Variants in TTLL5 observed in about 807,000 individuals in gnomAD.
TTLL5 encodes the protein tubulin tyrosine ligase like 5.
Under a neutral mutation model 168.4 loss-of-function variants are expected in TTLL5, and 132 were observed. The ratio of observed to expected loss-of-function variants is 0.78; its 90% confidence interval spans 0.68 to 0.91. TTLL5 has a LOEUF of 0.91. Among genes scored for constraint, TTLL5 ranks in the 40% least tolerant of loss-of-function variants. TTLL5 has a pLI of 0.00. For missense variants in TTLL5, 1,545 were observed against 1,581.5 expected (o/e 0.98, Z 0.39); for synonymous variants, 546 against 558.6 (o/e 0.98, Z 0.32).
chr14:75,663,269 C>G (rs1326873287), intron 2 of TTLL5, 46 bp downstream of exon 2: 1 of 1,521,618 alleles, frequency 6.6e-7, no homozygotes, highest in African/African-American at 1.4e-5. Flanking sequence ...TGTACTCTTT[C>G]ACTTATATAC....
At chr14:75,889,718 T>TA (rs1226682652) in intron 30 of TTLL5, among the ~76,000 whole-genome samples, 5 of 151,272 alleles carry the variant, frequency 3.3e-5, no homozygotes, top group African/African-American at 1.2e-4. Flanking sequence ...TGGTCCCAGC[T>TA]ACTCAGGAGG....
intron 31 of TTLL5, among the ~76,000 whole-genome samples, chr14:75,906,883 T>C (rs1364240208): frequency 6.6e-6 from 1 of 152,186 alleles, no homozygotes; most frequent in Non-Finnish European, 1.5e-5. Flanking sequence ...GGTCTACCAG[T>C]AGGTGGCGCT....
intron 28 of TTLL5, among the ~76,000 whole-genome samples, chr14:75,821,214 G>A (rs1345066147): frequency 2.0e-5 from 3 of 152,118 alleles, no homozygotes; most frequent in Admixed American, 1.3e-4. Flanking sequence ...ATCATCCTGC[G>A]GTACGGTGTC....
intron 31 of TTLL5, among the ~76,000 whole-genome samples, chr14:75,942,560 G>A (rs1262503161): frequency 2.6e-5 from 4 of 152,196 alleles, no homozygotes; most frequent in Non-Finnish European, 4.4e-5. Context: ...GATTTAGATC[G>A]TTTAGGAGGG....
intron 29 of TTLL5, among the ~76,000 whole-genome samples, chr14:75,872,009 C>G (rs1249635734): frequency 6.6e-6 from 1 of 152,184 alleles, no homozygotes; most frequent in Non-Finnish European, 1.5e-5. Flanking sequence ...GAACGGGGCC[C>G]TGATATACAA....
At position 75,683,640 on chromosome 14, in the gene TTLL5, G is replaced by A. The variant is rs1884797826; in HGVS notation, c.355G>A (p.Val119Ile). The A allele has an allele frequency of 1.2e-6, 2 of 1,613,772 alleles. No homozygotes were observed. Among genetic ancestry groups the A allele is most frequent in the Non-Finnish European group, 1.7e-6 (2 of 1,179,680 alleles). Reference sequence around the variant, plus strand: ...GCGCACCCTCTCTGAAGCACAAAAAGTTAATCACTTTCCCAGGTAATGCTC... The same window carrying A: ...GCGCACCCTCTCTGAAGCACAAAAAATTAATCACTTTCCCAGGTAATGCTC... ...LLRTLSEAQKVNHFPRSYELT... is the reference protein window; with the variant it reads ...LLRTLSEAQKINHFPRSYELT... Residue 119 changes from valine to isoleucine, a missense_variant, in exon 5 of 32, where the codon GTT becomes ATT. Val to Ile is a conservative substitution (Grantham distance 29). Coordinates refer to ENST00000298832, the MANE Select transcript of TTLL5 (RefSeq NM_015072.5).
At chr14:75,804,670 C>A (rs1224736894) in intron 27 of TTLL5, among the ~76,000 whole-genome samples, 4 of 152,146 alleles carry the variant, frequency 2.6e-5, no homozygotes, top group African/African-American at 9.7e-5. Context: ...ATACATTATT[C>A]TTTCCCATTT....
chr14:75,889,834 A>G (rs2032303181), intron 30 of TTLL5, among the ~76,000 whole-genome samples: 2 of 100,680 alleles, frequency 2.0e-5, no homozygotes, highest in South Asian at 8.8e-4. Context: ...TTAAAAAAAA[A>G]AAAAAAAAAA....
At chr14:75,826,242 A>G (rs1325244456) in intron 28 of TTLL5, among the ~76,000 whole-genome samples, 1 of 151,392 alleles carries the variant, frequency 6.6e-6, no homozygotes, top group African/African-American at 2.4e-5. Flanking sequence ...ACTCCACTCC[A>G]CACTGCTTTG....
At chr14:75,779,370 C>T (rs1891912425) in intron 23 of TTLL5, among the ~76,000 whole-genome samples, 1 of 128,152 alleles carries the variant, frequency 7.8e-6, no homozygotes, top group Non-Finnish European at 1.7e-5. Context: ...AGAAAATTCA[C>T]TGCGGGATGA....
chr14:75,901,411 CAT>C (rs146120054), intron 30 of TTLL5, among the ~76,000 whole-genome samples: 2,357 of 152,304 alleles, frequency 0.015, 81 homozygotes, highest in African/African-American at 0.053. Context: ...ATTTCTGAGA[CAT>C]ATGGCTAGGG....
intron 30 of TTLL5, among the ~76,000 whole-genome samples, chr14:75,896,324 G>GTTTCT (rs1437504057): frequency 2.0e-5 from 3 of 152,026 alleles, no homozygotes; most frequent in Non-Finnish European, 4.4e-5. Context: ...GTTTTGTTTT[G>GTTTCT]TTTCTTTTTT....
chr14:75,925,789 C>G (rs2034031847), intron 31 of TTLL5, among the ~76,000 whole-genome samples: 1 of 152,064 alleles, frequency 6.6e-6, no homozygotes, highest in South Asian at 2.1e-4. Flanking sequence ...CAGACTCCGT[C>G]TGCAATCCCG....
intron 12 of TTLL5, among the ~76,000 whole-genome samples, chr14:75,724,516 C>A (rs546274548): frequency 2.0e-4 from 30 of 152,202 alleles, no homozygotes; most frequent in African/African-American, 7.0e-4. Context: ...AATGCTTTTT[C>A]CTAGATTTGC....
At chr14:75,701,757 G>C (rs986721802) in intron 7 of TTLL5, among the ~76,000 whole-genome samples, 33 of 152,134 alleles carry the variant, frequency 2.2e-4, no homozygotes, top group African/African-American at 8.0e-4. Context: ...CTAATTCCTT[G>C]GCTGATCCCT....
At chr14:75,727,362 A>G (rs1005309561) in intron 12 of TTLL5, among the ~76,000 whole-genome samples, 1 of 152,244 alleles carries the variant, frequency 6.6e-6, no homozygotes, top group African/African-American at 2.4e-5. Context: ...CAGCTAGAGA[A>G]AGGAACGAAC....
chr14:75,772,599 G>C (rs933559346), intron 21 of TTLL5, among the ~76,000 whole-genome samples: 3 of 151,884 alleles, frequency 2.0e-5, no homozygotes, highest in Non-Finnish European at 4.4e-5. Context: ...GTGTGAATCA[G>C]AATGATGGGG....
At chr14:75,842,903 C>T (rs1896334754) in intron 28 of TTLL5, among the ~76,000 whole-genome samples, 1 of 152,158 alleles carries the variant, frequency 6.6e-6, no homozygotes, top group Non-Finnish European at 1.5e-5. Context: ...GAGTCAGCCT[C>T]AAAGGTGGTG....
At chr14:75,720,742 G>T in intron 12 of TTLL5, 39 bp downstream of exon 12, 1 of 1,558,460 alleles carries the variant, frequency 6.4e-7, no homozygotes, top group South Asian at 1.1e-5. Flanking sequence ...TTTGTGAAGA[G>T]GATCTTGGGA....
Sources: allele counts gnomAD v4.1 joint callset (sites outside exome capture counted in the v4.1 genomes callset), GRCh38; gene constraint gnomAD v4.1.1; transcripts MANE v1.5; gene names NCBI Gene and HGNC (gene_info 2026-07-23, HGNC 2026-07-21).